The following INPP5D variants were observed in gnomAD, a reference collection of about 807,000 sequenced individuals.
INPP5D encodes the protein phosphatidylinositol 3,4,5-trisphosphate 5-phosphatase 1.
In INPP5D, 33 loss-of-function variants were observed where a neutral mutation model predicts 122.9. The ratio of observed to expected loss-of-function variants is 0.27; its 90% CI spans 0.20 to 0.36. INPP5D has a LOEUF of 0.36. Among genes scored for constraint, INPP5D ranks in the 10% least tolerant of loss-of-function variants. INPP5D has a pLI of 1.00. For synonymous variants in INPP5D, 584 were observed against 576.2 expected, an observed-to-expected ratio of 1.01 and a Z score of -0.19; for missense variants, 1,053 against 1,412.7, an observed-to-expected ratio of 0.75 and a Z score of 4.08.
rs892863674 is a variant in INPP5D, at chr2:233,164,165, C to G, written c.1438-142C>G. 4 of 1,421,394 alleles carry G rather than the reference C, an allele frequency of 2.8e-6. No homozygotes were observed. In the African/African-American group the frequency reaches 4.3e-5, roughly 15 times the overall value. The allele number at this position is 1,421,394 out of a possible 1,614,324, so 88.0% of individuals were successfully genotyped here. A position where few individuals can be genotyped will look rare whatever the true frequency, so the allele number is the denominator to read the frequency against. Reference sequence around the variant, plus strand: ...ATGTTTTGTCTCGCCTATCAAGCATCGCTGGGAGTCCCCCGAAGGGTTGGG... The same window carrying G: ...ATGTTTTGTCTCGCCTATCAAGCATGGCTGGGAGTCCCCCGAAGGGTTGGG... On this transcript the variant is annotated intron_variant, in intron 12 of 26. Transcript: ENST00000445964. The surrounding 1 kb of genome is among the most constrained non-coding windows in gnomAD (Gnocchi z 4.3).
chr2:233,165,042 C>G (rs1450883060), intron 13 of INPP5D, among the ~76,000 whole-genome samples: 1 of 152,164 alleles, frequency 6.6e-6, no homozygotes, highest in African/African-American at 2.4e-5. Context: ...GTAACAAGGG[C>G]AAGAAGTCTT....
chr2:233,161,680 G>A, intron 10 of INPP5D, 44 bp from the exon 11 acceptor site: 2 of 1,576,570 alleles, frequency 1.3e-6, no homozygotes, highest in Non-Finnish European at 8.6e-7. Context: ...TAATGTGCAG[G>A]GAGGCAGAGG....
chr2:233,164,219 G>C lies in INPP5D; in HGVS notation c.1438-88G>C, dbSNP rs1694267167. The C allele has an allele frequency of 2.0e-6, 3 of 1,472,340 alleles. No homozygotes were observed. The East Asian group carries it at 7.5e-5, about 37-fold the overall frequency. The allele number at this position is 1,472,340 out of a possible 1,614,324, so 91.2% of individuals were successfully genotyped here. A position where few individuals can be genotyped will look rare whatever the true frequency, so the allele number is the denominator to read the frequency against. ...ACAGACAGGATACCCCATACCCAGG[G>C]GCTGCGGCTGGGGCTGGGTGTGAAT... On this transcript the variant is annotated intron_variant, in intron 12 of 26. Transcript: ENST00000445964. The surrounding 1 kb of genome is among the most constrained non-coding windows in gnomAD (Gnocchi z 4.3).
intron 2 of INPP5D, among the ~76,000 whole-genome samples, chr2:233,089,149 C>T (rs888934203): frequency 2.0e-5 from 3 of 152,094 alleles, no homozygotes; most frequent in Non-Finnish European, 2.9e-5. Flanking sequence ...CCTGGGGTCC[C>T]AACCAGGTGA....
chr2:233,152,996 C>T (rs145096483), intron 9 of INPP5D, among the ~76,000 whole-genome samples: 1 of 152,218 alleles, frequency 6.6e-6, no homozygotes, highest in East Asian at 1.9e-4. Flanking sequence ...AGGCAAGAGG[C>T]GGTGGCAGCT....
chr2:233,091,905 C>G (rs1002642001), intron 2 of INPP5D, among the ~76,000 whole-genome samples: 1 of 152,228 alleles, frequency 6.6e-6, no homozygotes, highest in Non-Finnish European at 1.5e-5. Flanking sequence ...TCTGTAGCAC[C>G]AGAAGGATGC....
intron 2 of INPP5D, among the ~76,000 whole-genome samples, chr2:233,091,514 C>T (rs758541424): frequency 3.3e-5 from 5 of 152,168 alleles, no homozygotes; most frequent in Non-Finnish European, 7.3e-5. Flanking sequence ...CATTCCTTGG[C>T]TCATGGCCCA....
intron 20 of INPP5D, among the ~76,000 whole-genome samples, chr2:233,185,418 T>G (rs1283506799): frequency 1.3e-5 from 2 of 152,120 alleles, no homozygotes; most frequent in Non-Finnish European, 2.9e-5. Flanking sequence ...TTTAATAAAC[T>G]ATCAAGACAG....
At chr2:233,201,003 AATAAATAG>A (rs1290048077) in intron 25 of INPP5D, among the ~76,000 whole-genome samples, 9 of 139,388 alleles carry the variant, frequency 6.5e-5, no homozygotes, top group Admixed American at 1.4e-4. Context: ...TAAATAAATA[AATAAATAG>A]ATGAGAGGAA....
chr2:233,185,019 G>A (rs1694877391), intron 20 of INPP5D, among the ~76,000 whole-genome samples: 1 of 152,286 alleles, frequency 6.6e-6, no homozygotes, highest in Middle Eastern at 3.4e-3. Context: ...GCTCCCCTGA[G>A]CCAGCAGCCT....
intron 6 of INPP5D, among the ~76,000 whole-genome samples, chr2:233,145,775 A>C (rs572055799): frequency 6.6e-5 from 10 of 152,178 alleles, no homozygotes; most frequent in African/African-American, 2.4e-4. Context: ...GTGGAGAAGA[A>C]CTGTACTGGG....
chr2:233,173,939 A>G (rs1178312049), intron 17 of INPP5D, among the ~76,000 whole-genome samples: 2 of 151,806 alleles, frequency 1.3e-5, no homozygotes, highest in African/African-American at 2.4e-5. Context: ...AAAAAAAACA[A>G]AAACAAAAAC....
intron 5 of INPP5D, among the ~76,000 whole-genome samples, chr2:233,139,076 A>G (rs1286698438): frequency 2.0e-5 from 3 of 152,144 alleles, no homozygotes; most frequent in Non-Finnish European, 4.4e-5. Context: ...TATTCATATA[A>G]CAAAGATCTC....
intron 4 of INPP5D, among the ~76,000 whole-genome samples, chr2:233,127,757 C>T (rs1043927973): frequency 3.3e-5 from 5 of 152,166 alleles, no homozygotes; most frequent in South Asian, 4.1e-4. Flanking sequence ...TACAGCCATG[C>T]GCCACCACAA....
chr2:233,184,924 C>T (rs1158709585), intron 20 of INPP5D, among the ~76,000 whole-genome samples: 4 of 151,644 alleles, frequency 2.6e-5, no homozygotes, highest in East Asian at 2.0e-4. Context: ...TGCCTGTTGT[C>T]GCCCTGGCCC....
intron 26 of INPP5D, 161 bp downstream of exon 26, chr2:233,204,878 C>T (rs1017793876): frequency 4.3e-6 from 5 of 1,166,206 alleles, no homozygotes; most frequent in African/African-American, 3.3e-5. Flanking sequence ...GAGTGATGGT[C>T]CTGGGAACTG....
chr2:233,113,961 A>T lies in INPP5D; in HGVS notation c.199-8146A>T, dbSNP rs549428172. 2.8e-3 allele frequency among the ~76,000 whole-genome samples: 364 copies of T among 131,388 alleles called. 1 individual carries two copies. The highest frequency in any genetic ancestry group is 0.016 in the South Asian group (72 of 4,374). The allele number at this position is 131,388 out of a possible 152,430, so 86.2% of individuals were successfully genotyped here. A position where few individuals can be genotyped will look rare whatever the true frequency, so the allele number is the denominator to read the frequency against. On this transcript the variant is annotated intron_variant, in intron 2 of 26. Coordinates refer to ENST00000445964, the MANE Select transcript of INPP5D (RefSeq NM_001017915.3). ...TCGCTCTGTCGCCCAGGCTGGATGGAGTGCAGTGGCGCCATCTCAGCTCAC... is the reference window on the plus strand; with the variant it reads ...TCGCTCTGTCGCCCAGGCTGGATGGTGTGCAGTGGCGCCATCTCAGCTCAC...
intron 1 of INPP5D, among the ~76,000 whole-genome samples, chr2:233,068,368 G>A (rs1218732529): frequency 1.3e-5 from 2 of 151,616 alleles, no homozygotes; most frequent in African/African-American, 2.4e-5. Flanking sequence ...GCTGAGGCAA[G>A]AGGATCATGA....
chr2:233,069,101 G>A (rs1691308682), intron 1 of INPP5D, among the ~76,000 whole-genome samples: 2 of 152,308 alleles, frequency 1.3e-5, no homozygotes, highest in South Asian at 4.1e-4. Flanking sequence ...AGCACGTGGG[G>A]ACCAGATTCT....
Sources: gnomAD v4.1 joint callset for allele counts (sites outside exome capture counted in the v4.1 genomes callset) on GRCh38, gnomAD v4.1.1 for gene constraint, Gnocchi (gnomAD v3.1) non-coding constraint, MANE v1.5 for transcripts, NCBI Gene and HGNC (gene_info 2026-07-23, HGNC 2026-07-21) for gene names.